The following GRID2 variants were observed in gnomAD, a reference collection of about 807,000 sequenced individuals.
The protein encoded by GRID2 is glutamate ionotropic receptor delta type subunit 2, also known as glutamate receptor ionotropic, delta-2.
A neutral mutation model predicts 114.8 loss-of-function variants in GRID2; 33 were observed. The observed-to-expected ratio is 0.29, with a 90% confidence interval of 0.22 to 0.38. The LOEUF (loss-of-function observed/expected upper bound fraction) is 0.38, where lower values mean the gene tolerates loss of function less well. Among genes scored for constraint, GRID2 ranks in the 10% least tolerant of loss-of-function variants. The pLI is 1.00. For missense variants in GRID2, 1,184 were observed against 1,257.7 expected (o/e 0.94, Z 0.89); for synonymous variants, 505 against 449.9 (o/e 1.12, Z -1.55).
intron 3 of GRID2, among the ~76,000 whole-genome samples, chr4:93,095,756 A>G (rs907576834): frequency 4.6e-5 from 7 of 152,016 alleles, no homozygotes; most frequent in African/African-American, 1.4e-4. Context: ...TTTAAAGAAG[A>G]ACTAAATAAT....
chr4:92,745,938 T>C (rs1737130411), intron 2 of GRID2, among the ~76,000 whole-genome samples: 1 of 152,152 alleles, frequency 6.6e-6, no homozygotes, highest in South Asian at 2.1e-4. Context: ...TCGGGTTTCT[T>C]TCTTTCTCAC....
At chr4:92,966,585 T>C (rs572668160) in intron 2 of GRID2, among the ~76,000 whole-genome samples, 16 of 151,988 alleles carry the variant, frequency 1.1e-4, no homozygotes, top group African/African-American at 3.4e-4. Flanking sequence ...TCCCCTATAC[T>C]GTTCTCATGG....
At chr4:93,530,479 G>T (rs1731336954) in intron 13 of GRID2, among the ~76,000 whole-genome samples, 1 of 152,004 alleles carries the variant, frequency 6.6e-6, no homozygotes, top group Non-Finnish European at 1.5e-5. Context: ...TACATATCAG[G>T]TATTGCTCAT....
intron 1 of GRID2, among the ~76,000 whole-genome samples, chr4:92,448,672 T>A (rs987096813): frequency 7.3e-5 from 11 of 151,178 alleles, no homozygotes; most frequent in Admixed American, 2.6e-4. Context: ...TTTTATGGAA[T>A]TTATGAAAAT....
chr4:93,218,125 A>G (rs993063135), intron 6 of GRID2, among the ~76,000 whole-genome samples: 2 of 152,054 alleles, frequency 1.3e-5, no homozygotes, highest in African/African-American at 4.8e-5. Flanking sequence ...TCTAATTACT[A>G]TCACTGTAGT....
chr4:92,546,819 T>A (rs925643301), intron 1 of GRID2, among the ~76,000 whole-genome samples: 3 of 152,180 alleles, frequency 2.0e-5, no homozygotes, highest in African/African-American at 7.2e-5. Flanking sequence ...ATTAATATGT[T>A]CAGTGGAGAT....
chr4:92,822,385 G>T (rs1741350734), intron 2 of GRID2: 1 of 606,548 alleles, frequency 1.6e-6, no homozygotes, highest in Non-Finnish European at 3.2e-6. Context: ...TCTTCAGCTT[G>T]CAGTTAGCCA....
At chr4:93,320,195 T>C (rs1396128366) in intron 8 of GRID2, among the ~76,000 whole-genome samples, 3 of 152,050 alleles carry the variant, frequency 2.0e-5, no homozygotes, top group South Asian at 4.1e-4. Context: ...GTAAGGAACA[T>C]GAAGTAAGTG....
intron 2 of GRID2, among the ~76,000 whole-genome samples, chr4:92,734,772 T>G (rs924669547): frequency 2.0e-5 from 3 of 147,226 alleles, no homozygotes; most frequent in African/African-American, 7.7e-5. Flanking sequence ...TTTTTTTTAG[T>G]TTTTTTTTTC....
At chr4:92,903,300 T>C (rs1288332427) in intron 2 of GRID2, among the ~76,000 whole-genome samples, 2 of 151,848 alleles carry the variant, frequency 1.3e-5, no homozygotes, top group Non-Finnish European at 1.5e-5. Context: ...CAATGTGAAC[T>C]CAGGCAGATA....
At chr4:93,448,809 C>G (rs1722350076) in intron 10 of GRID2, among the ~76,000 whole-genome samples, 1 of 9,702 alleles carries the variant, frequency 1.0e-4, no homozygotes, top group Non-Finnish European at 2.1e-4. Context: ...CCCTTCCCTT[C>G]CCTTCCCTTC....
intron 2 of GRID2, among the ~76,000 whole-genome samples, chr4:92,656,037 T>C (rs183878980): frequency 1.3e-5 from 2 of 151,858 alleles, no homozygotes; most frequent in Admixed American, 1.3e-4. Context: ...TGAGATGTGG[T>C]CCTTCTATGC....
chr4:93,693,380 C>T (rs1054231273), intron 14 of GRID2, among the ~76,000 whole-genome samples: 22 of 152,292 alleles, frequency 1.4e-4, no homozygotes, highest in African/African-American at 5.1e-4. Flanking sequence ...CACAAATATA[C>T]ATCTGTTTGA....
intron 8 of GRID2, among the ~76,000 whole-genome samples, chr4:93,374,073 AT>A (rs1763165455): frequency 6.6e-6 from 1 of 152,178 alleles, no homozygotes; most frequent in African/African-American, 2.4e-5. Context: ...TTCCACTTAA[AT>A]GCCTAAGACA....
intron 1 of GRID2, among the ~76,000 whole-genome samples, chr4:92,541,181 A>G (rs1222742901): frequency 1.3e-5 from 2 of 152,126 alleles, no homozygotes; most frequent in African/African-American, 4.8e-5. Flanking sequence ...ATTAGTAGAT[A>G]TATCTAATGT....
At chr4:93,612,940 C>G (rs375106652) in intron 13 of GRID2, among the ~76,000 whole-genome samples, 16,208 of 138,960 alleles carry the variant, frequency 0.12, 1,228 homozygotes, top group Middle Eastern at 0.24. Flanking sequence ...ACATCACTTT[C>G]AGGTACACCA....
At chr4:92,466,817 CATAT>C (rs111455294) in intron 1 of GRID2, among the ~76,000 whole-genome samples, 1 of 149,664 alleles carries the variant, frequency 6.7e-6, no homozygotes, top group African/African-American at 2.4e-5. Context: ...ATGATACATA[CATAT>C]ATATATATAT....
intron 13 of GRID2, among the ~76,000 whole-genome samples, chr4:93,532,579 G>A (rs976337464): frequency 2.0e-5 from 3 of 152,148 alleles, no homozygotes; most frequent in Non-Finnish European, 2.9e-5. Context: ...GTGAAATGCT[G>A]TGCTTGAATT....
chr4:93,372,977 A>C (rs1383690906), intron 8 of GRID2, among the ~76,000 whole-genome samples: 5 of 152,166 alleles, frequency 3.3e-5, no homozygotes, highest in Non-Finnish European at 7.4e-5. Flanking sequence ...CATAACCAAC[A>C]GTGAACCATC....
Sources: allele counts gnomAD v4.1 joint callset (sites outside exome capture counted in the v4.1 genomes callset), GRCh38; gene constraint gnomAD v4.1.1; transcripts MANE v1.5; gene names NCBI Gene and HGNC (gene_info 2026-07-23, HGNC 2026-07-21).